The following RBFOX1 variants were observed in gnomAD, a reference collection of about 807,000 sequenced individuals.
RBFOX1 encodes the protein RNA binding protein fox-1 homolog 1.
In RBFOX1, 8 loss-of-function variants were observed where a neutral mutation model predicts 57.7. The ratio of observed to expected loss-of-function variants is 0.14; its 90% confidence interval spans 0.08 to 0.25. RBFOX1 has a LOEUF of 0.25. Ranked by LOEUF, RBFOX1 falls within the 10% of genes least tolerant of loss-of-function variation. The pLI, the probability that RBFOX1 is intolerant of heterozygous loss-of-function variation, is 1.00. For missense variants in RBFOX1, 611 were observed against 548.5 expected (o/e 1.11, Z -1.14); for synonymous variants, 326 against 222.4 (o/e 1.47, Z -4.15).
intron 2 of RBFOX1, among the ~76,000 whole-genome samples, chr16:6,423,013 T>A (rs1271290888): frequency 6.6e-6 from 1 of 152,264 alleles, no homozygotes; most frequent in East Asian, 1.9e-4. Flanking sequence ...GGCTGCATAG[T>A]ATTCCATGCT....
intron 3 of RBFOX1, among the ~76,000 whole-genome samples, chr16:6,883,901 G>A (rs1603636355): frequency 6.6e-6 from 1 of 152,000 alleles, no homozygotes; most frequent in South Asian, 2.1e-4. Context: ...TGAGACTTAA[G>A]TTAGAGGGGA....
chr16:5,427,456 G>A (rs559618536), intron 1 of RBFOX1, among the ~76,000 whole-genome samples: 1 of 152,034 alleles, frequency 6.6e-6, no homozygotes, highest in Non-Finnish European at 1.5e-5. Flanking sequence ...ATAGTGGCAC[G>A]TGCCTGTAAC....
intron 4 of RBFOX1, among the ~76,000 whole-genome samples, chr16:7,445,487 C>A (rs763258622): frequency 5.4e-4 from 82 of 152,274 alleles, no homozygotes; most frequent in Non-Finnish European, 7.3e-4. Context: ...CATAAATGAA[C>A]TTCTCAAAAT....
At chr16:5,374,142 G>A (rs904920950) in intron 1 of RBFOX1, among the ~76,000 whole-genome samples, 3 of 152,148 alleles carry the variant, frequency 2.0e-5, no homozygotes, top group African/African-American at 7.2e-5. Flanking sequence ...TTCACCATGT[G>A]GGCCAGGCTA....
In RBFOX1 at chr16:6,654,604, A is replaced by T. The variant is rs2098632797; in HGVS notation, c.-62A>T. On this transcript the variant is annotated splice_region_variant and 5_prime_UTR_variant, in exon 3 of 16. Transcript: ENST00000550418. ...TCCTTTCTTTTCTTCTCTTCTCAGG[A>T]TATCAAAGCAGACTGCAATACCTGC... is the stretch of plus-strand genomic sequence containing the variant. 1 of 1,508,258 alleles carries T rather than the reference A, an allele frequency of 6.6e-7. No individual in the cohort carries two copies. The highest frequency in any genetic ancestry group is 8.8e-7 in the Non-Finnish European group (1 of 1,136,584). 93.4% of individuals were successfully genotyped at this position (1,508,258 alleles called of 1,614,324 possible).
At chr16:7,077,776 G>C (rs1445897208) in intron 4 of RBFOX1, among the ~76,000 whole-genome samples, 1 of 152,154 alleles carries the variant, frequency 6.6e-6, no homozygotes, top group African/African-American at 2.4e-5. Context: ...GCTTTCCCTT[G>C]AACTGATACT....
intron 2 of RBFOX1, among the ~76,000 whole-genome samples, chr16:6,608,974 G>C (rs2097993436): frequency 6.6e-6 from 1 of 152,092 alleles, no homozygotes; most frequent in East Asian, 1.9e-4. Context: ...TTCAAAGCCA[G>C]CCATGGCCAG....
At chr16:5,486,946 A>G (rs997367996) in intron 2 of RBFOX1, among the ~76,000 whole-genome samples, 2 of 152,106 alleles carry the variant, frequency 1.3e-5, no homozygotes, top group African/African-American at 2.4e-5. Flanking sequence ...TTCTTCTTCA[A>G]TGCTCACCTC....
intron 1 of RBFOX1, among the ~76,000 whole-genome samples, chr16:5,311,755 C>A (rs2064095727): frequency 6.6e-6 from 1 of 152,076 alleles, no homozygotes; most frequent in Non-Finnish European, 1.5e-5. Flanking sequence ...ATGTCTTTTT[C>A]TTGCTGATTT....
intron 2 of RBFOX1, among the ~76,000 whole-genome samples, chr16:5,578,006 C>T (rs2046526715): frequency 6.6e-6 from 1 of 152,170 alleles, no homozygotes; most frequent in South Asian, 2.1e-4. Context: ...GGCTGGGGTA[C>T]AGTGGTGTGA....
intron 14 of RBFOX1, among the ~76,000 whole-genome samples, chr16:7,692,020 G>A (rs1165356060): frequency 1.3e-5 from 2 of 152,094 alleles, no homozygotes; most frequent in African/African-American, 4.8e-5. Context: ...AGGTGAGTAA[G>A]TCAAATATTC....
intron 3 of RBFOX1, among the ~76,000 whole-genome samples, chr16:5,728,061 G>A (rs1037542052): frequency 1.3e-5 from 2 of 152,148 alleles, no homozygotes; most frequent in Non-Finnish European, 2.9e-5. Flanking sequence ...TTGTCTTTCT[G>A]TTATCTGGCT....
exon 3 of RBFOX1, chr16:5,599,147 G>T: frequency 3.1e-6 from 2 of 651,530 alleles, no homozygotes; most frequent in Non-Finnish European, 5.4e-6. Context: ...TATCACTTGG[G>T]CCGTATTCCC....
intron 3 of RBFOX1, among the ~76,000 whole-genome samples, chr16:6,816,606 G>A (rs901958622): frequency 6.6e-6 from 1 of 151,620 alleles, no homozygotes; most frequent in African/African-American, 2.4e-5. Context: ...CAGGCGTGGT[G>A]GCGGGCACCT....
At chr16:6,667,065 G>A (rs1026460178) in intron 3 of RBFOX1, among the ~76,000 whole-genome samples, 2 of 152,128 alleles carry the variant, frequency 1.3e-5, no homozygotes, top group Non-Finnish European at 2.9e-5. Flanking sequence ...GATGTTAGTC[G>A]TACTTTCCTC....
intron 3 of RBFOX1, among the ~76,000 whole-genome samples, chr16:6,885,512 C>G (rs8049493): frequency 0.79 from 120,069 of 152,080 alleles, 48,319 homozygotes; most frequent in African/African-American, 0.95. Context: ...ATTAAATCTA[C>G]TTCTGCATTT....
At chr16:5,803,647 T>C (rs1488935425) in intron 3 of RBFOX1, among the ~76,000 whole-genome samples, 1 of 152,208 alleles carries the variant, frequency 6.6e-6, no homozygotes, top group Non-Finnish European at 1.5e-5. Context: ...ATTAATAAAG[T>C]GCTAGAATTC....
At chr16:7,388,973 A>C (rs930435988) in intron 4 of RBFOX1, among the ~76,000 whole-genome samples, 2 of 152,054 alleles carry the variant, frequency 1.3e-5, no homozygotes, top group Non-Finnish European at 2.9e-5. Context: ...AGAGTGCCTA[A>C]TACAGAGTAA....
At chr16:6,570,459 A>G (rs942356401) in intron 2 of RBFOX1, among the ~76,000 whole-genome samples, 1 of 152,202 alleles carries the variant, frequency 6.6e-6, no homozygotes, top group Non-Finnish European at 1.5e-5. Flanking sequence ...CACTCTAATA[A>G]GGCTCAGAAG....
Sources: gnomAD v4.1 joint callset for allele counts (sites outside exome capture counted in the v4.1 genomes callset) on GRCh38, gnomAD v4.1.1 for gene constraint, MANE v1.5 for transcripts, NCBI Gene and HGNC (gene_info 2026-07-23, HGNC 2026-07-21) for gene names.